Variants in NOS1AP observed in about 807,000 individuals in gnomAD.
The protein encoded by NOS1AP is nitric oxide synthase 1 adaptor protein.
NOS1AP carries 21 observed loss-of-function variants against 56.2 expected under a neutral mutation model. The observed-to-expected ratio is 0.37, with a 90% CI of 0.26 to 0.54. The LOEUF (loss-of-function observed/expected upper bound fraction) is 0.54, where lower values mean the gene tolerates loss of function less well. NOS1AP is among the 20% of genes least tolerant of loss of function. NOS1AP has a pLI of 0.84. For synonymous variants in NOS1AP, 270 were observed against 274.6 expected (o/e 0.98, Z 0.17); for missense variants, 522 against 657.8 (o/e 0.79, Z 2.26).
chr1:162,353,193 T>A (rs1657581028), intron 6 of NOS1AP, among the ~76,000 whole-genome samples: 1 of 152,184 alleles, frequency 6.6e-6, no homozygotes, highest in East Asian at 1.9e-4. Context: ...GGATCTATCC[T>A]CCATACTATA....
chr1:162,327,003 A>G (rs1656613506), intron 4 of NOS1AP, among the ~76,000 whole-genome samples: 1 of 152,230 alleles, frequency 6.6e-6, no homozygotes, highest in African/African-American at 2.4e-5. Context: ...AAAAGTATAC[A>G]ATATGGAAAG....
chr1:162,082,657 T>G (rs1248564892), intron 1 of NOS1AP, among the ~76,000 whole-genome samples: 1 of 152,186 alleles, frequency 6.6e-6, no homozygotes, highest in East Asian at 1.9e-4. Flanking sequence ...GGTATCTCAT[T>G]GTGGTTTTGA....
intron 4 of NOS1AP, among the ~76,000 whole-genome samples, chr1:162,307,662 A>G (rs755700995): frequency 1.3e-5 from 2 of 151,950 alleles, no homozygotes; most frequent in Non-Finnish European, 2.9e-5. Context: ...ATACACTGTA[A>G]TAGCCAGGCG....
At chr1:162,076,753 C>T (rs1301327032) in intron 1 of NOS1AP, among the ~76,000 whole-genome samples, 1 of 152,234 alleles carries the variant, frequency 6.6e-6, no homozygotes, top group East Asian at 1.9e-4. Context: ...TAATCCTTAC[C>T]CCCTGCGTCT....
chr1:162,154,828 T>C (rs953678115), intron 2 of NOS1AP, among the ~76,000 whole-genome samples: 1 of 152,080 alleles, frequency 6.6e-6, no homozygotes, highest in Non-Finnish European at 1.5e-5. Context: ...GATCTGGTAA[T>C]TGACTCAAAA....
intron 6 of NOS1AP, among the ~76,000 whole-genome samples, chr1:162,351,811 A>G (rs1287880104): frequency 4.0e-5 from 6 of 151,312 alleles, no homozygotes; most frequent in Non-Finnish European, 7.4e-5. Context: ...CTCACTGTCT[A>G]TTTTCTTATT....
intron 1 of NOS1AP, among the ~76,000 whole-genome samples, chr1:162,116,310 T>C (rs1254304097): frequency 6.6e-6 from 1 of 152,178 alleles, no homozygotes; most frequent in African/African-American, 2.4e-5. Flanking sequence ...TTCTGTCCAG[T>C]GCTTCCAGAA....
chr1:162,175,247 TA>T (rs1450447132), intron 2 of NOS1AP, among the ~76,000 whole-genome samples: 1 of 152,248 alleles, frequency 6.6e-6, no homozygotes, highest in Non-Finnish European at 1.5e-5. Flanking sequence ...TTAAAACAGT[TA>T]AAACAGTTAT....
intron 2 of NOS1AP, among the ~76,000 whole-genome samples, chr1:162,164,715 G>A (rs1278364526): frequency 6.6e-6 from 1 of 152,162 alleles, no homozygotes; most frequent in Admixed American, 6.5e-5. Context: ...TGGCTGAATA[G>A]TATTCCCTTC....
intron 3 of NOS1AP, among the ~76,000 whole-genome samples, chr1:162,298,573 C>T (rs1012549266): frequency 1.3e-5 from 2 of 152,204 alleles, no homozygotes; most frequent in African/African-American, 4.8e-5. Flanking sequence ...TTTAGTGTCA[C>T]AGTAAGACAG....
intron 1 of NOS1AP, among the ~76,000 whole-genome samples, chr1:162,097,484 C>T (rs568090612): frequency 7.7e-4 from 112 of 146,032 alleles, no homozygotes; most frequent in Middle Eastern, 7.3e-3. Context: ...TAATAGTGTT[C>T]TTCTATATCT....
intron 1 of NOS1AP, among the ~76,000 whole-genome samples, chr1:162,130,460 G>T (rs1648702147): frequency 1.3e-5 from 2 of 152,222 alleles, no homozygotes; most frequent in Non-Finnish European, 1.5e-5. Context: ...TATTACAGGT[G>T]TTGAGCATTC....
intron 2 of NOS1AP, chr1:162,157,170 C>T (rs540571323): frequency 1.3e-5 from 2 of 154,480 alleles, no homozygotes; most frequent in African/African-American, 4.8e-5. Flanking sequence ...CCTTTTCCCT[C>T]ATCATCTGCC....
chr1:162,266,529 G>A (rs1409861512), intron 2 of NOS1AP, among the ~76,000 whole-genome samples: 3 of 152,176 alleles, frequency 2.0e-5, no homozygotes, highest in Admixed American at 2.0e-4. Flanking sequence ...GTCAACACAT[G>A]ATATTAGCTG....
At chr1:162,342,653 C>A in intron 5 of NOS1AP, 1 of 464,316 alleles carries the variant, frequency 2.2e-6, no homozygotes, top group Admixed American at 2.4e-5. Context: ...GCCTTCTAGA[C>A]TTATCAAAAC....
intron 2 of NOS1AP, among the ~76,000 whole-genome samples, chr1:162,265,830 T>C (rs1654405840): frequency 6.6e-6 from 1 of 152,178 alleles, no homozygotes; most frequent in African/African-American, 2.4e-5. Flanking sequence ...TAACATAAGC[T>C]TACACAAGAT....
intron 2 of NOS1AP, among the ~76,000 whole-genome samples, chr1:162,190,867 C>G (rs536230713): frequency 6.6e-6 from 1 of 152,200 alleles, no homozygotes; most frequent in East Asian, 1.9e-4. Flanking sequence ...CAGTGTTTAC[C>G]TTTCTGTCCC....
At chr1:162,350,148 C>T (rs909656782) in intron 6 of NOS1AP, among the ~76,000 whole-genome samples, 3 of 152,154 alleles carry the variant, frequency 2.0e-5, no homozygotes, top group Admixed American at 1.3e-4. Context: ...TGTTTGGGAG[C>T]TTTTCATTTA....
Position 162,261,363 on chromosome 1 carries a change from A to C in NOS1AP, c.178-25981A>C, listed in dbSNP as rs569997264. On this transcript the variant is annotated intron_variant, in intron 2 of 9. Transcript: ENST00000361897. ...GGCAGCAGGGAGTTTGCAGATTCTT[A>C]ATGTGCAAACTTTTAAGAATCTTGA... 1.5e-3 allele frequency among the ~76,000 whole-genome samples: 209 copies of C among 136,028 alleles called. 21 individuals carry two copies. The highest frequency in any genetic ancestry group is 5.7e-3 in the African/African-American group (200 of 35,080). 89.2% of individuals were successfully genotyped at this position (136,028 alleles called of 152,430 possible).
Sources: allele counts gnomAD v4.1 joint callset (sites outside exome capture counted in the v4.1 genomes callset), GRCh38; gene constraint gnomAD v4.1.1; transcripts MANE v1.5; gene names NCBI Gene and HGNC (gene_info 2026-07-23, HGNC 2026-07-21).